The following NME7 variants were observed in gnomAD, a reference collection of about 807,000 sequenced individuals.
NME7 encodes the protein NME/NM23 family member 7.
Under a neutral mutation model 49.1 loss-of-function variants are expected in NME7, and 41 were observed. The observed-to-expected ratio is 0.83, with a 90% CI of 0.65 to 1.08. NME7 has a LOEUF of 1.08. Among genes scored for constraint, NME7 ranks in the 50% least tolerant of loss-of-function variants. The probability of loss-of-function intolerance (pLI) is 0.00; values close to 1 mark genes in which losing one functional copy is unlikely to be tolerated. For missense variants in NME7, 423 were observed against 463.4 expected (o/e 0.91, Z 0.80); for synonymous variants, 139 against 150.6 (o/e 0.92, Z 0.56).
At chr1:169,331,711 T>C (rs562155516) in intron 1 of NME7, among the ~76,000 whole-genome samples, 1 of 151,940 alleles carries the variant, frequency 6.6e-6, no homozygotes, top group South Asian at 2.1e-4. Context: ...AGTTATCCCA[T>C]TTACAATAGC....
chr1:169,344,591 G>T (rs1468036083), intron 1 of NME7, among the ~76,000 whole-genome samples: 1 of 152,050 alleles, frequency 6.6e-6, no homozygotes. Flanking sequence ...AATGGTATTT[G>T]ATTTTGTAAA....
At chr1:169,201,009 T>A (rs1660532328) in intron 10 of NME7, among the ~76,000 whole-genome samples, 1 of 151,992 alleles carries the variant, frequency 6.6e-6, no homozygotes, top group South Asian at 2.1e-4. Flanking sequence ...GACAGGAGGA[T>A]CCCTTGAACT....
intron 1 of NME7, among the ~76,000 whole-genome samples, chr1:169,360,574 C>T (rs1455131018): frequency 6.6e-6 from 1 of 152,174 alleles, no homozygotes; most frequent in Admixed American, 6.5e-5. Context: ...CCTCTCATTC[C>T]CTAGGCCCCA....
intron 11 of NME7, among the ~76,000 whole-genome samples, chr1:169,152,714 AT>A (rs888696114): frequency 3.9e-5 from 6 of 152,180 alleles, no homozygotes; most frequent in African/African-American, 1.4e-4. Flanking sequence ...GAATGGTCCT[AT>A]TTTAGACTAC....
intron 3 of NME7, among the ~76,000 whole-genome samples, chr1:169,321,357 C>G (rs1031132392): frequency 1.3e-5 from 2 of 152,064 alleles, no homozygotes; most frequent in African/African-American, 2.4e-5. Flanking sequence ...CAGACCCCAC[C>G]TCAAAAATAA....
intron 7 of NME7, among the ~76,000 whole-genome samples, chr1:169,253,488 T>C (rs563757083): frequency 1.1e-4 from 17 of 152,168 alleles, no homozygotes; most frequent in African/African-American, 3.6e-4. Context: ...TTTCTAGATA[T>C]ACAATCATGT....
rs747504291 is a variant in NME7 at position 169,224,631 on chromosome 1, G to A, written c.990+6087C>T. Among the ~76,000 whole-genome samples the A allele has an allele frequency of 8.3e-4, 126 of 152,116 alleles. 1 individual carries two copies. The highest frequency in any genetic ancestry group is 2.2e-4 in the Non-Finnish European group (15 of 67,998). On this transcript the variant is annotated intron_variant, in intron 10 of 11. Transcript: ENST00000367811. ...ACAAGGCAAATTCAAAAGTCTGGGG[G>A]AAATCCTGGACTTTTTTTCTTTAAT...
rs138635587 is a variant in NME7, at chr1:169,172,640, A to G, written c.991-3086T>C. 3.7e-4 allele frequency among the ~76,000 whole-genome samples: 57 copies of G among 152,332 alleles called. 1 individual carries two copies. Among genetic ancestry groups the G allele is most frequent in the African/African-American group, 1.3e-3 (54 of 41,576 alleles). On this transcript the variant is annotated intron_variant, in intron 10 of 11. Coordinates refer to ENST00000367811, the MANE Select transcript of NME7 (RefSeq NM_013330.5). The stretch of plus-strand genomic sequence containing the variant: ...TATTTACTTGCTCAAAAAATCTTTG[A>G]AGGCTCATAATTGCCTATGGCCAAA...
chr1:169,302,207 A>G (rs1318762358), intron 5 of NME7: 1 of 152,170 alleles, frequency 6.6e-6, no homozygotes, highest in African/African-American at 2.4e-5. Context: ...AGTTTTTTCA[A>G]AGGACTTAAA....
intron 6 of NME7, among the ~76,000 whole-genome samples, chr1:169,297,585 T>C (rs1650761739): frequency 6.6e-6 from 1 of 151,960 alleles, no homozygotes; most frequent in African/African-American, 2.4e-5. Context: ...ATGATTAAGA[T>C]AGAGATTGAT....
intron 10 of NME7, among the ~76,000 whole-genome samples, chr1:169,212,599 CTTTTTTTTTT>C (rs71121740): frequency 8.6e-6 from 1 of 116,438 alleles, no homozygotes; most frequent in African/African-American, 3.2e-5. Flanking sequence ...AACAAATGTC[CTTTTTTTTTT>C]TTTTTTTTTT....
chr1:169,361,744 C>T (rs1325485607), intron 1 of NME7, among the ~76,000 whole-genome samples: 2 of 151,002 alleles, frequency 1.3e-5, no homozygotes, highest in South Asian at 2.1e-4. Flanking sequence ...CGCGCCACTG[C>T]ACTCCACAGC....
chr1:169,364,989 G>T (rs757930211), intron 1 of NME7, among the ~76,000 whole-genome samples: 4 of 152,114 alleles, frequency 2.6e-5, no homozygotes, highest in Non-Finnish European at 4.4e-5. Context: ...TTCACCAATT[G>T]CTCCTTTAGA....
At position 169,169,522 on chromosome 1, in the gene NME7, G is replaced by A. The variant is rs779991664; in HGVS notation, c.1023C>T (p.Leu341=). ...TCTTAGTTTTACCAAAGATTGCTCTGAGAGTTCCAGGGCGTAAATGCCGGG... is the reference window on the plus strand; with the variant it reads ...TCTTAGTTTTACCAAAGATTGCTCTAAGAGTTCCAGGGCGTAAATGCCGGG... The part of the protein sequence containing the change: ...EIARHLRPGT[L]RAIFGKTKIQ... The change falls in exon 11 of 12, where the codon CTC becomes CTT. Residue 341 remains leucine (L), a synonymous_variant. Transcript: ENST00000367811. 6.2e-7 allele frequency: 1 copy of A among 1,614,050 alleles called. No homozygotes were observed. The highest frequency in any genetic ancestry group is 8.5e-7 in the Non-Finnish European group (1 of 1,179,934).
intron 10 of NME7, among the ~76,000 whole-genome samples, chr1:169,188,512 C>A (rs938898240): frequency 6.6e-6 from 1 of 152,204 alleles, no homozygotes; most frequent in Non-Finnish European, 1.5e-5. Flanking sequence ...CCATGCTATT[C>A]TGAATCTCCA....
rs780052044 is a variant in NME7 at position 169,169,436 on chromosome 1, C to A, written c.1098+11G>T. 10 of 1,600,002 alleles carry A rather than the reference C, an allele frequency of 6.2e-6. No homozygotes were observed. The East Asian group carries it at 2.2e-4, about 36-fold the overall frequency. ...GAAATATAAATAGGATGTTTACCTT[C>A]TTTATCTTACCTCTAATAGGCCATC... On this transcript the variant is annotated intron_variant, in intron 11 of 11. Coordinates refer to ENST00000367811, the MANE Select transcript of NME7 (RefSeq NM_013330.5).
At chr1:169,243,494 C>A (rs1486340203) in intron 7 of NME7, among the ~76,000 whole-genome samples, 1 of 152,134 alleles carries the variant, frequency 6.6e-6, no homozygotes, top group Non-Finnish European at 1.5e-5. Context: ...ATATTTGTGA[C>A]CCTCTGAAAT....
chr1:169,156,876 A>C (rs1202267851), intron 11 of NME7, among the ~76,000 whole-genome samples: 2 of 152,234 alleles, frequency 1.3e-5, no homozygotes, highest in Non-Finnish European at 2.9e-5. Context: ...TTGATAGCTT[A>C]AGGCCTCTTA....
intron 1 of NME7, among the ~76,000 whole-genome samples, chr1:169,359,921 T>A (rs1012043234): frequency 5.3e-5 from 8 of 152,304 alleles, no homozygotes; most frequent in African/African-American, 1.9e-4. Flanking sequence ...CAGTACATTT[T>A]AATAGCTACA....
Sources: allele counts gnomAD v4.1 joint callset (sites outside exome capture counted in the v4.1 genomes callset), GRCh38; gene constraint gnomAD v4.1.1; transcripts MANE v1.5; gene names NCBI Gene and HGNC (gene_info 2026-07-23, HGNC 2026-07-21).